Variants in FIP1L1 observed in about 807,000 individuals in gnomAD.
FIP1L1 encodes the protein factor interacting with PAPOLA and CPSF1, also known as pre-mRNA 3'-end-processing factor FIP1.
FIP1L1 carries 21 observed loss-of-function variants against 84.6 expected under a neutral mutation model. The observed-to-expected ratio is 0.25, with a 90% confidence interval of 0.18 to 0.36. The LOEUF is 0.36. Ranked by LOEUF, FIP1L1 falls within the 10% of genes least tolerant of loss-of-function variation. The pLI, the probability that FIP1L1 is intolerant of heterozygous loss-of-function variation, is 1.00. For missense variants in FIP1L1, 526 were observed against 751.1 expected, an observed-to-expected ratio of 0.70 and a Z score of 3.50; for synonymous variants, 263 against 242.3, an observed-to-expected ratio of 1.09 and a Z score of -0.80.
chr4:53,389,177 A>C (rs1406484737), intron 5 of FIP1L1, among the ~76,000 whole-genome samples: 1 of 152,190 alleles, frequency 6.6e-6, no homozygotes, highest in African/African-American at 2.4e-5. Context: ...CTTGTCAATA[A>C]ATTTCTGTTA....
chr4:53,409,154 G>T (rs1755604209), intron 10 of FIP1L1, among the ~76,000 whole-genome samples: 4 of 152,162 alleles, frequency 2.6e-5, no homozygotes, highest in Non-Finnish European at 5.9e-5. Context: ...TGATGATGGT[G>T]ATGTACAGAT....
intron 13 of FIP1L1, among the ~76,000 whole-genome samples, chr4:53,431,557 A>G (rs1314718046): frequency 1.3e-5 from 2 of 152,190 alleles, no homozygotes; most frequent in Non-Finnish European, 2.9e-5. Context: ...AAATATGATG[A>G]GATAAGTATA....
intron 10 of FIP1L1, among the ~76,000 whole-genome samples, chr4:53,412,084 A>C (rs944067214): frequency 3.9e-5 from 6 of 151,922 alleles, no homozygotes; most frequent in African/African-American, 1.4e-4. Flanking sequence ...AAAGAATTGC[A>C]AAAAAAAGTA....
intron 16 of FIP1L1, among the ~76,000 whole-genome samples, chr4:53,455,789 A>G (rs551873544): frequency 6.6e-6 from 1 of 152,198 alleles, no homozygotes; most frequent in Admixed American, 6.5e-5. Context: ...ACTGGTCGGT[A>G]GCTTAAAACT....
chr4:53,384,761 C>T (rs2054590), intron 5 of FIP1L1, among the ~76,000 whole-genome samples: 7,274 of 152,166 alleles, frequency 0.048, 342 homozygotes, highest in South Asian at 0.2. Context: ...GATTTAGTTA[C>T]GATAGGAGAA....
chr4:53,381,750 A>ATTATTTTTTTTTTT (rs1233462083), intron 3 of FIP1L1, among the ~76,000 whole-genome samples: 1 of 63,072 alleles, frequency 1.6e-5, no homozygotes, highest in South Asian at 5.8e-4. Context: ...AGGCATTTGC[A>ATTATTTTTTTTTTT]TTCTTTTTTT....
chr4:53,428,344 T>G, intron 13 of FIP1L1, 161 bp downstream of exon 13: 2 of 590,636 alleles, frequency 3.4e-6, no homozygotes, highest in Non-Finnish European at 5.2e-6. Context: ...TATATGTTTA[T>G]TGCTATTTCA....
chr4:53,409,439 G>A (rs1304686380), intron 10 of FIP1L1, among the ~76,000 whole-genome samples: 1 of 152,192 alleles, frequency 6.6e-6, no homozygotes, highest in African/African-American at 2.4e-5. Flanking sequence ...CTGCTCGGGG[G>A]TCAAGGGTCA....
At chr4:53,429,932 A>G (rs1310681278) in intron 13 of FIP1L1, among the ~76,000 whole-genome samples, 2 of 152,142 alleles carry the variant, frequency 1.3e-5, no homozygotes, top group Non-Finnish European at 1.5e-5. Flanking sequence ...TCCTTTGAAA[A>G]TCATCTCCCC....
chr4:53,408,477 A>G (rs1755091576), intron 10 of FIP1L1, among the ~76,000 whole-genome samples: 1 of 151,932 alleles, frequency 6.6e-6, no homozygotes, highest in African/African-American at 2.4e-5. Flanking sequence ...TGTGTCTTGG[A>G]GTTGCTCTTC....
intron 9 of FIP1L1, among the ~76,000 whole-genome samples, chr4:53,395,277 T>G (rs1746604499): frequency 6.6e-6 from 1 of 152,174 alleles, no homozygotes; most frequent in Admixed American, 6.5e-5. Context: ...ATGAAGAAAT[T>G]AAGGAAAAAA....
chr4:53,447,892 C>T (rs1280857496), intron 15 of FIP1L1, among the ~76,000 whole-genome samples: 2 of 152,028 alleles, frequency 1.3e-5, no homozygotes, highest in East Asian at 1.9e-4. Context: ...TGATAACCAT[C>T]ACATGAGTTC....
chr4:53,435,601 A>G (rs1211169899), intron 13 of FIP1L1, among the ~76,000 whole-genome samples: 1 of 152,240 alleles, frequency 6.6e-6, no homozygotes, highest in African/African-American at 2.4e-5. Context: ...TTTATAGTGT[A>G]TGTAAAATTA....
In FIP1L1 at chr4:53,391,082, G is replaced by A. The variant is rs1431701488; in HGVS notation, c.579G>A (p.Lys193=). The change falls in exon 8 of 18, where the codon AAG becomes AAA. Residue 193 remains lysine, a synonymous_variant. Coordinates refer to ENST00000337488, the MANE Select transcript of FIP1L1 (RefSeq NM_030917.4). ...GGAAAGCTTACTGTGAAAAACAAAA[G>A]AGGATACGAATGGGACTTGAAGTTA... is the stretch of plus-strand genomic sequence containing the variant. The part of the protein sequence containing the change: ...DTWKAYCEKQ[K]RIRMGLEVIP... 6.2e-7 allele frequency: 1 copy of A among 1,611,652 alleles called. No individual in the cohort carries two copies. The highest frequency in any genetic ancestry group is 2.2e-5 in the East Asian group (1 of 44,740).
At chr4:53,411,978 GT>G (rs1431348491) in intron 10 of FIP1L1, among the ~76,000 whole-genome samples, 2 of 151,476 alleles carry the variant, frequency 1.3e-5, no homozygotes, top group Non-Finnish European at 2.9e-5. Flanking sequence ...CTGATAGAAC[GT>G]TTTTATTACC....
At chr4:53,436,039 C>A (rs758463094) in intron 13 of FIP1L1, among the ~76,000 whole-genome samples, 2 of 151,692 alleles carry the variant, frequency 1.3e-5, no homozygotes, top group Non-Finnish European at 2.9e-5. Flanking sequence ...ATAATAGTGC[C>A]GACGGAACTT....
At chr4:53,437,723 A>AT (rs906164992) in intron 13 of FIP1L1, among the ~76,000 whole-genome samples, 1 of 150,842 alleles carries the variant, frequency 6.6e-6, no homozygotes, top group Non-Finnish European at 1.5e-5. Flanking sequence ...TTATTTATTT[A>AT]TTATTTTATT....
chr4:53,427,747 TATTA>T (rs974910927), intron 12 of FIP1L1, among the ~76,000 whole-genome samples: 1 of 152,240 alleles, frequency 6.6e-6, no homozygotes, highest in Non-Finnish European at 1.5e-5. Flanking sequence ...GGAGTGTTTG[TATTA>T]ATTACTTTTT....
chr4:53,381,510 A>G (rs990784678), intron 3 of FIP1L1, among the ~76,000 whole-genome samples: 1 of 152,168 alleles, frequency 6.6e-6, no homozygotes, highest in African/African-American at 2.4e-5. Context: ...TTATAGCTGC[A>G]TATTTGTTTT....
Sources: gnomAD v4.1 joint callset for allele counts (sites outside exome capture counted in the v4.1 genomes callset) on GRCh38, gnomAD v4.1.1 for gene constraint, MANE v1.5 for transcripts, NCBI Gene and HGNC (gene_info 2026-07-23, HGNC 2026-07-21) for gene names.